The following SFMBT2 variants were observed in gnomAD, a reference collection of about 807,000 sequenced individuals.
SFMBT2 encodes the protein scm-like with four MBT domains protein 2.
SFMBT2 carries 38 observed loss-of-function variants against 110.1 expected under a neutral mutation model. The observed-to-expected ratio is 0.35, with a 90% CI of 0.27 to 0.45. SFMBT2 has a LOEUF of 0.45. Ranked by LOEUF, SFMBT2 falls within the 20% of genes least tolerant of loss-of-function variation. The probability of loss-of-function intolerance (pLI) is 1.00; values close to 1 mark genes in which losing one functional copy is unlikely to be tolerated. For synonymous variants in SFMBT2, 425 were observed against 425.4 expected (o/e 1.00, Z 0.01); for missense variants, 1,011 against 1,094.9 (o/e 0.92, Z 1.08).
chr10:7,244,194 AG>A, intron 8 of SFMBT2: 1 of 246,398 alleles, frequency 4.1e-6, no homozygotes, highest in Non-Finnish European at 6.5e-6. Flanking sequence ...CCCACCCTCC[AG>A]CCCGAGAGGA....
intron 2 of SFMBT2, among the ~76,000 whole-genome samples, chr10:7,381,450 G>A (rs951576913): frequency 5.3e-5 from 8 of 152,162 alleles, no homozygotes; most frequent in African/African-American, 1.9e-4. Flanking sequence ...GCAGATGACT[G>A]CTGGTCCGAG....
chr10:7,405,483 C>G (rs1846186494), intron 1 of SFMBT2, among the ~76,000 whole-genome samples: 1 of 152,328 alleles, frequency 6.6e-6, no homozygotes, highest in South Asian at 2.1e-4. Flanking sequence ...TGGAGCTTAC[C>G]TCACTTAACA....
At chr10:7,168,861 TC>T in intron 20 of SFMBT2, among the ~76,000 whole-genome samples, 1 of 152,308 alleles carries the variant, frequency 6.6e-6, no homozygotes, top group Middle Eastern at 3.4e-3. Flanking sequence ...TAAGGAAGTC[TC>T]TCCCTGGTTG....
In SFMBT2 at chr10:7,172,626, G is replaced by T. The variant is rs1207314713; in HGVS notation, c.2020C>A (p.Pro674Thr). ...YYGKRKKISK[P>T]PIGESNPDSG... ...TCGGGGTTGCTTTCCCCGATGGGGG[G>T]CTTGGAGATCTTCTTTCTCTTTCCA... The change falls in exon 18 of 21, where the codon CCC (proline) becomes ACC (threonine). Residue 674 changes from proline (P) to threonine (T), a missense_variant. Transcript: ENST00000397167. The surrounding 1 kb of genome is among the most constrained non-coding windows in gnomAD (Gnocchi z 4.6). 1.2e-6 allele frequency: 2 copies of T among 1,614,218 alleles called. No individual in the cohort carries two copies. Among genetic ancestry groups the T allele is most frequent in the African/African-American group, 2.7e-5 (2 of 75,066 alleles).
chr10:7,410,669 C>G (rs570475051), intron 1 of SFMBT2, among the ~76,000 whole-genome samples, 192 bp downstream of exon 1: 1 of 152,154 alleles, frequency 6.6e-6, no homozygotes, highest in South Asian at 2.1e-4. Context: ...TTTCGCTCCC[C>G]TGCACCCTCC....
chr10:7,323,892 G>C (rs1453679935), intron 4 of SFMBT2, among the ~76,000 whole-genome samples: 1 of 152,126 alleles, frequency 6.6e-6, no homozygotes, highest in Non-Finnish European at 1.5e-5. Context: ...TAGAGACAGA[G>C]ACATAGGCAG....
At chr10:7,307,275 A>G (rs1842723729) in intron 4 of SFMBT2, among the ~76,000 whole-genome samples, 3 of 152,188 alleles carry the variant, frequency 2.0e-5, no homozygotes, top group South Asian at 4.1e-4. Context: ...TTTCCTTAAA[A>G]CGATTTAGTC....
chr10:7,338,940 A>G (rs1843804856), intron 4 of SFMBT2, among the ~76,000 whole-genome samples: 1 of 152,170 alleles, frequency 6.6e-6, no homozygotes, highest in Non-Finnish European at 1.5e-5. Flanking sequence ...CAAATCTTCT[A>G]TTTAAAACTG....
chr10:7,401,706 T>C (rs1402645032), intron 1 of SFMBT2, among the ~76,000 whole-genome samples: 1 of 152,164 alleles, frequency 6.6e-6, no homozygotes, highest in African/African-American at 2.4e-5. Context: ...GACTCCTCTT[T>C]CCCACTTCTC....
chr10:7,286,081 CT>C (rs2131846123), intron 4 of SFMBT2, 127 bp from the exon 5 acceptor site: 2 of 638,330 alleles, frequency 3.1e-6, no homozygotes, highest in East Asian at 5.3e-5. Flanking sequence ...CAATGTTTTT[CT>C]TAACTTTCAT....
At chr10:7,228,738 T>TTCCTTTC (rs1840009498) in intron 9 of SFMBT2, among the ~76,000 whole-genome samples, 2 of 62,546 alleles carry the variant, frequency 3.2e-5, no homozygotes, top group African/African-American at 7.4e-5. Flanking sequence ...TTTCTTTCCT[T>TTCCTTTC]TCTCTCTCTC....
intron 2 of SFMBT2, among the ~76,000 whole-genome samples, chr10:7,378,252 C>T (rs4747473): frequency 0.017 from 107 of 6,472 alleles, 16 homozygotes; most frequent in East Asian, 0.066. Context: ...TGTGGGTGTA[C>T]GTGTGGATGG....
intron 10 of SFMBT2, among the ~76,000 whole-genome samples, chr10:7,224,154 G>T (rs888994939): frequency 5.3e-5 from 8 of 152,184 alleles, no homozygotes; most frequent in Non-Finnish European, 1.0e-4. Context: ...TAAATGTTAT[G>T]TTGTGGCGAC....
intron 15 of SFMBT2, chr10:7,189,049 T>C: frequency 1.5e-6 from 1 of 654,432 alleles, no homozygotes; most frequent in Non-Finnish European, 1.9e-6. Context: ...CAAAGAGCAA[T>C]TTATTGTACT....
At chr10:7,258,948 G>T (rs79371265) in intron 7 of SFMBT2, among the ~76,000 whole-genome samples, 9,670 of 152,200 alleles carry the variant, frequency 0.064, 411 homozygotes, top group Admixed American at 0.089. Flanking sequence ...ACTTACAGAG[G>T]TAAAGAGCGA....
intron 9 of SFMBT2, among the ~76,000 whole-genome samples, chr10:7,230,573 G>A (rs1261226711): frequency 6.6e-6 from 1 of 152,164 alleles, no homozygotes; most frequent in African/African-American, 2.4e-5. Context: ...AGTAATGGGA[G>A]GGAGCCAGGA....
At chr10:7,279,986 C>T (rs1201707705) in intron 6 of SFMBT2, among the ~76,000 whole-genome samples, 2 of 152,168 alleles carry the variant, frequency 1.3e-5, no homozygotes, top group Non-Finnish European at 2.9e-5. Flanking sequence ...ACTTGAAGCC[C>T]TAACCCCAAA....
intron 4 of SFMBT2, among the ~76,000 whole-genome samples, chr10:7,366,242 C>A (rs995735498): frequency 2.0e-5 from 3 of 152,000 alleles, no homozygotes; most frequent in Non-Finnish European, 2.9e-5. Context: ...TCTTTGGAGA[C>A]AATAAAGGGT....
At chr10:7,261,260 C>T (rs536191834) in intron 7 of SFMBT2, among the ~76,000 whole-genome samples, 1 of 152,316 alleles carries the variant, frequency 6.6e-6, no homozygotes, top group East Asian at 1.9e-4. Flanking sequence ...TCATCTATGG[C>T]TTCAATTATG....
Sources: allele counts gnomAD v4.1 joint callset (sites outside exome capture counted in the v4.1 genomes callset), GRCh38; gene constraint gnomAD v4.1.1; non-coding constraint Gnocchi (gnomAD v3.1); transcripts MANE v1.5; gene names NCBI Gene and HGNC (gene_info 2026-07-23, HGNC 2026-07-21).